Variants in CUL5 observed in about 807,000 individuals in gnomAD.
CUL5 encodes the protein cullin 5.
Under a neutral mutation model 108.8 loss-of-function variants are expected in CUL5, and 26 were observed. The ratio of observed to expected loss-of-function variants is 0.24; its 90% CI spans 0.18 to 0.33. The LOEUF (loss-of-function observed/expected upper bound fraction) is 0.33, where lower values mean the gene tolerates loss of function less well. Among genes scored for constraint, CUL5 ranks in the 10% least tolerant of loss-of-function variants. The pLI is 1.00. For synonymous variants in CUL5, 334 were observed against 298.0 expected (o/e 1.12, Z -1.25); for missense variants, 524 against 909.2 (o/e 0.58, Z 5.45).
chr11:108,054,126 G>A (rs1273849028), intron 5 of CUL5, among the ~76,000 whole-genome samples: 1 of 152,170 alleles, frequency 6.6e-6, no homozygotes, highest in African/African-American at 2.4e-5. Flanking sequence ...GATTACAAGT[G>A]TGAGCCATTG....
At chr11:108,067,453 A>G (rs12804831) in intron 7 of CUL5, among the ~76,000 whole-genome samples, 11,813 of 139,308 alleles carry the variant, frequency 0.085, 570 homozygotes, top group East Asian at 0.19. Context: ...GTTTATTTGT[A>G]CATATCTGAA....
intron 1 of CUL5, among the ~76,000 whole-genome samples, chr11:108,009,826 T>G (rs1862019228): frequency 6.6e-6 from 1 of 152,222 alleles, no homozygotes; most frequent in South Asian, 2.1e-4. Context: ...TCGTTCTGTC[T>G]GCACGAAATT....
At chr11:108,077,573 T>A (rs1287242470) in intron 10 of CUL5, among the ~76,000 whole-genome samples, 1 of 150,506 alleles carries the variant, frequency 6.6e-6, no homozygotes, top group African/African-American at 2.5e-5. Context: ...GTGGTTGCAG[T>A]GATCTGAGAT....
chr11:108,049,186 G>T (rs950552510), intron 3 of CUL5, among the ~76,000 whole-genome samples: 1 of 152,002 alleles, frequency 6.6e-6, no homozygotes, highest in South Asian at 2.1e-4. Flanking sequence ...TGTCCCTATG[G>T]ATATGTCTAT....
intron 1 of CUL5, among the ~76,000 whole-genome samples, chr11:108,025,660 A>G (rs1352957046): frequency 6.6e-6 from 1 of 152,098 alleles, no homozygotes. Context: ...TGTTCTGCCC[A>G]TTCCCATTCC....
At chr11:108,067,531 C>T (rs983672952) in intron 7 of CUL5, among the ~76,000 whole-genome samples, 10 of 151,736 alleles carry the variant, frequency 6.6e-5, no homozygotes, top group African/African-American at 2.2e-4. Context: ...TTTGTTCTGT[C>T]CTATGTACAT....
At position 108,016,931 on chromosome 11, in the gene CUL5, A is replaced by G. The variant is rs894060133; in HGVS notation, c.24+7559A>G. Among the ~76,000 whole-genome samples the G allele has an allele frequency of 7.9e-5, 12 of 152,188 alleles. No individual in the cohort carries two copies. In the East Asian group the frequency reaches 2.3e-3, roughly 29 times the overall value. ...TTTGAGGCCAGGAGTTGGAGACTAG[A>G]TTGGGCAGCATAGCAAGACCTACCA... On this transcript the variant is annotated intron_variant, in intron 1 of 18. Coordinates refer to ENST00000393094, the MANE Select transcript of CUL5 (RefSeq NM_003478.6).
intron 1 of CUL5, 107 bp downstream of exon 1, chr11:108,009,479 T>G: frequency 8.0e-7 from 1 of 1,243,060 alleles, no homozygotes; most frequent in Non-Finnish European, 1.2e-6. Flanking sequence ...TGTTCAGGGG[T>G]TGTCCACTGG....
intron 14 of CUL5, 95 bp downstream of exon 14, chr11:108,094,609 C>G (rs369539899): frequency 3.5e-6 from 3 of 855,406 alleles, no homozygotes; most frequent in African/African-American, 1.7e-5. Flanking sequence ...AGTAATAGAT[C>G]GAAAGATGTT....
At position 108,104,397 on chromosome 11, in the gene CUL5, T is replaced by C. The variant is rs984299624; in HGVS notation, c.*13T>C. 1 of 1,480,236 alleles carries C rather than the reference T, an allele frequency of 6.8e-7. No individual in the cohort carries two copies. Among genetic ancestry groups the C allele is most frequent in the Non-Finnish European group, 9.0e-7 (1 of 1,115,220 alleles). The allele number at this position is 1,480,236 out of a possible 1,614,324, so 91.7% of individuals were successfully genotyped here. ...ATATATGGCATAATTTTGAATATCATGGACAATATTTAGAACCCAAATTTT... is the reference window on the plus strand; with the variant it reads ...ATATATGGCATAATTTTGAATATCACGGACAATATTTAGAACCCAAATTTT... On this transcript the variant is annotated 3_prime_UTR_variant, in exon 19 of 19. Transcript: ENST00000393094.
At chr11:108,011,733 T>G (rs527651175) in intron 1 of CUL5, among the ~76,000 whole-genome samples, 22 of 152,246 alleles carry the variant, frequency 1.4e-4, no homozygotes, top group Admixed American at 3.3e-4. Context: ...GTTCAAGCGA[T>G]TCTTCTGCCT....
intron 3 of CUL5, among the ~76,000 whole-genome samples, chr11:108,046,838 A>T (rs1382644485): frequency 6.6e-6 from 1 of 152,234 alleles, no homozygotes; most frequent in Non-Finnish European, 1.5e-5. Flanking sequence ...TAAATCAAAA[A>T]TTTTGATCAA....
chr11:108,076,771 A>G (rs1274877399), intron 10 of CUL5, among the ~76,000 whole-genome samples: 1 of 152,200 alleles, frequency 6.6e-6, no homozygotes, highest in Non-Finnish European at 1.5e-5. Flanking sequence ...ATGAAGATAG[A>G]CTATTCAGGA....
intron 13 of CUL5, among the ~76,000 whole-genome samples, chr11:108,091,770 C>T (rs1864369954): frequency 6.6e-6 from 1 of 151,232 alleles, no homozygotes; most frequent in South Asian, 2.1e-4. Flanking sequence ...TTCGAATTGA[C>T]ATCTCTTCAC....
At chr11:108,088,232 T>A (rs1864269608) in intron 11 of CUL5, among the ~76,000 whole-genome samples, 6 of 152,128 alleles carry the variant, frequency 3.9e-5, no homozygotes. Context: ...GAAAAAAAAT[T>A]TTAATTATCA....
At chr11:108,078,973 G>T (rs1864003609) in intron 11 of CUL5, among the ~76,000 whole-genome samples, 1 of 152,050 alleles carries the variant, frequency 6.6e-6, no homozygotes, top group South Asian at 2.1e-4. Flanking sequence ...TATTTTAGAA[G>T]GGAATATGTT....
At chr11:108,091,678 G>C (rs904747790) in intron 13 of CUL5, among the ~76,000 whole-genome samples, 1 of 122,536 alleles carries the variant, frequency 8.2e-6, no homozygotes, top group Admixed American at 8.3e-5. Context: ...AACAGAGTCA[G>C]ATCCTGTCTC....
In CUL5 at chr11:108,009,326, C is replaced by T. The variant is rs773003159; in HGVS notation, c.-23C>T. On this transcript the variant is annotated 5_prime_UTR_variant, in exon 1 of 19. Coordinates refer to ENST00000393094, the MANE Select transcript of CUL5 (RefSeq NM_003478.6). ...AGCGCCACGAATTCTCGCGTCGTCT[C>T]GCGAGAGTCCAAGTTAAAGAACATG... The T allele has an allele frequency of 6.2e-7, 1 of 1,611,376 alleles. No homozygotes were observed. The highest frequency in any genetic ancestry group is 1.7e-5 in the Admixed American group (1 of 59,748).
In CUL5 at chr11:108,094,959, A is replaced by G. The variant is rs893795549; in HGVS notation, c.1715A>G (p.His572Arg). The G allele has an allele frequency of 3.7e-6, 6 of 1,611,808 alleles. No individual in the cohort carries two copies. Among genetic ancestry groups the G allele is most frequent in the Non-Finnish European group, 8.5e-7 (1 of 1,178,966 alleles). Residue 572 changes from histidine (H) to arginine (R), a missense_variant, in exon 15 of 19, where the codon CAT becomes CGT. Physicochemically the swap from His to Arg is conservative, Grantham distance 29. Around this residue, in one of 8 missense-constraint regions of CUL5, gnomAD observed 64 missense variants for 152.0 expected, o/e 0.42. Coordinates refer to ENST00000393094, the MANE Select transcript of CUL5 (RefSeq NM_003478.6). ...YKKNHSGRKLHWHHLMSNGII... is the reference protein window; with the variant it reads ...YKKNHSGRKLRWHHLMSNGII... ...AAAAATCATAGTGGTAGAAAATTAC[A>G]TTGGCATCATCTCATGTCAAATGGA...
Sources: allele counts gnomAD v4.1 joint callset (sites outside exome capture counted in the v4.1 genomes callset), GRCh38; gene constraint gnomAD v4.1.1; regional missense constraint gnomAD v4.1.1; transcripts MANE v1.5; gene names NCBI Gene and HGNC (gene_info 2026-07-23, HGNC 2026-07-21).